Variants in MAP3K20 observed in about 807,000 individuals in gnomAD.
MAP3K20 encodes the protein HCCS-4.
A neutral mutation model predicts 85.7 loss-of-function variants in MAP3K20; 40 were observed. The ratio of observed to expected loss-of-function variants is 0.47; its 90% CI spans 0.36 to 0.61. MAP3K20 has a LOEUF of 0.61. MAP3K20 is among the 20% of genes least tolerant of loss of function. The pLI is 0.00. For missense variants in MAP3K20, 817 were observed against 961.7 expected (o/e 0.85, Z 1.99); for synonymous variants, 325 against 327.7 (o/e 0.99, Z 0.09).
At chr2:173,177,943 A>G (rs1424375549) in intron 3 of MAP3K20, among the ~76,000 whole-genome samples, 1 of 152,136 alleles carries the variant, frequency 6.6e-6, no homozygotes, top group Admixed American at 6.5e-5. Flanking sequence ...ACCAATTAAA[A>G]CCAAAGTGAG....
At chr2:173,097,812 A>G (rs1217826673) in intron 2 of MAP3K20, among the ~76,000 whole-genome samples, 1 of 152,206 alleles carries the variant, frequency 6.6e-6, no homozygotes, top group Non-Finnish European at 1.5e-5. Flanking sequence ...ACCTGTGTGA[A>G]ATAGGAAATA....
At chr2:173,122,186 G>A (rs1474403991) in intron 2 of MAP3K20, among the ~76,000 whole-genome samples, 6 of 152,190 alleles carry the variant, frequency 3.9e-5, no homozygotes, top group Non-Finnish European at 7.4e-5. Context: ...CAGACAAAGC[G>A]AATCACCAAA....
At chr2:173,083,367 T>TA (rs1559223526) in intron 1 of MAP3K20, among the ~76,000 whole-genome samples, 2 of 151,796 alleles carry the variant, frequency 1.3e-5, no homozygotes, top group Admixed American at 6.6e-5. Flanking sequence ...TTTTATTTTT[T>TA]TTTTTTGAGA....
chr2:173,193,555 C>G (rs1559271607), intron 7 of MAP3K20, among the ~76,000 whole-genome samples: 1 of 152,118 alleles, frequency 6.6e-6, no homozygotes, highest in Non-Finnish European at 1.5e-5. Flanking sequence ...GTACCAGTAG[C>G]CAAGCACAAA....
intron 3 of MAP3K20, among the ~76,000 whole-genome samples, chr2:173,178,723 T>A (rs1246839575): frequency 6.6e-6 from 1 of 152,232 alleles, no homozygotes; most frequent in Non-Finnish European, 1.5e-5. Flanking sequence ...ACTGGTGAAT[T>A]CTATAAAATG....
At position 173,267,869 on chromosome 2, in the gene MAP3K20, GT is replaced by G. The variant is rs1458089581; in HGVS notation, c.*1120del. 6.6e-6 allele frequency: 1 copy of G among 152,246 alleles called. No homozygotes were observed. The highest frequency in any genetic ancestry group is 1.9e-4 in the East Asian group (1 of 5,204). The allele number at this position is 152,246 out of a possible 1,614,324, so 9.4% of individuals were successfully genotyped here. ...CAGCTGTGGGCAAAGAGGTAAACCAGTGGGGGTGCAAGGAGACTGTCTGCAG... is the reference window on the plus strand; with the variant it reads ...CAGCTGTGGGCAAAGAGGTAAACCAGGGGGGTGCAAGGAGACTGTCTGCAG... On this transcript the variant is annotated 3_prime_UTR_variant, in exon 20 of 20. Transcript: ENST00000375213.
At chr2:173,108,963 T>G (rs1309715867) in intron 2 of MAP3K20, among the ~76,000 whole-genome samples, 4 of 152,212 alleles carry the variant, frequency 2.6e-5, no homozygotes, top group African/African-American at 9.6e-5. Context: ...AGATTGGCAG[T>G]TCACCCCTCT....
chr2:173,232,829 CCTA>C (rs1196807978), intron 14 of MAP3K20, among the ~76,000 whole-genome samples: 1 of 152,142 alleles, frequency 6.6e-6, no homozygotes, highest in Non-Finnish European at 1.5e-5. Flanking sequence ...TTATTGAGCA[CCTA>C]CTATGCAGCA....
At chr2:173,107,122 T>TG (rs1230503973) in intron 2 of MAP3K20, among the ~76,000 whole-genome samples, 1 of 152,158 alleles carries the variant, frequency 6.6e-6, no homozygotes, top group Non-Finnish European at 1.5e-5. Context: ...TGGTACATGA[T>TG]GGCAACAATG....
chr2:173,187,708 A>G (rs1436113956), intron 5 of MAP3K20, 85 bp downstream of exon 5: 1 of 1,258,292 alleles, frequency 7.9e-7, no homozygotes. Flanking sequence ...TCTTTTACAT[A>G]TCTTTTGTAA....
At chr2:173,105,937 A>G (rs1687772880) in intron 2 of MAP3K20, among the ~76,000 whole-genome samples, 1 of 152,236 alleles carries the variant, frequency 6.6e-6, no homozygotes, top group Admixed American at 6.5e-5. Flanking sequence ...AATTTTTAAA[A>G]CAAAGTTCTA....
intron 2 of MAP3K20, among the ~76,000 whole-genome samples, chr2:173,146,973 T>A (rs967425766): frequency 6.6e-6 from 1 of 152,242 alleles, no homozygotes; most frequent in African/African-American, 2.4e-5. Context: ...TCAGCATCTT[T>A]CCTTATACTT....
At chr2:173,166,103 C>T (rs144675518) in intron 2 of MAP3K20, among the ~76,000 whole-genome samples, 18 of 152,326 alleles carry the variant, frequency 1.2e-4, no homozygotes, top group African/African-American at 3.8e-4. Context: ...CTCCCATCAG[C>T]CCCTGGTTAC....
chr2:173,215,386 CCT>C (rs140039880), intron 10 of MAP3K20, among the ~76,000 whole-genome samples: 2,353 of 152,162 alleles, frequency 0.015, 39 homozygotes, highest in South Asian at 0.038. Flanking sequence ...GTTTTTTTCC[CCT>C]CAGTCCTCCA....
chr2:173,080,163 A>G (rs1686975395), intron 1 of MAP3K20, among the ~76,000 whole-genome samples: 1 of 152,192 alleles, frequency 6.6e-6, no homozygotes, highest in African/African-American at 2.4e-5. Context: ...ATCTTATGGG[A>G]TCGCTGTTAT....
chr2:173,147,356 C>T (rs911406115), intron 2 of MAP3K20, among the ~76,000 whole-genome samples: 3 of 152,044 alleles, frequency 2.0e-5, no homozygotes, highest in African/African-American at 7.2e-5. Flanking sequence ...CATTTTTTGT[C>T]TGTTTTGAGG....
At chr2:173,092,288 G>A (rs559231724) in intron 2 of MAP3K20, among the ~76,000 whole-genome samples, 3 of 152,260 alleles carry the variant, frequency 2.0e-5, no homozygotes, top group South Asian at 2.1e-4. Context: ...AAGCCCATCC[G>A]TACACAAAAC....
intron 3 of MAP3K20, among the ~76,000 whole-genome samples, chr2:173,176,455 T>C (rs1454042441): frequency 2.0e-5 from 3 of 152,142 alleles, no homozygotes; most frequent in Admixed American, 6.5e-5. Context: ...GAAAATCTTC[T>C]ATATTTTATT....
At chr2:173,148,275 G>C (rs914357377) in intron 2 of MAP3K20, among the ~76,000 whole-genome samples, 3 of 152,020 alleles carry the variant, frequency 2.0e-5, no homozygotes, top group African/African-American at 7.2e-5. Flanking sequence ...ACATGTTTTT[G>C]GCCTCTGTAC....
Sources: allele counts gnomAD v4.1 joint callset (sites outside exome capture counted in the v4.1 genomes callset), GRCh38; gene constraint gnomAD v4.1.1; transcripts MANE v1.5; gene names NCBI Gene and HGNC (gene_info 2026-07-23, HGNC 2026-07-21).